Variants in CYRIB observed in about 807,000 individuals in gnomAD.
CYRIB encodes the protein CYFIP related Rac1 interactor B.
In CYRIB, 8 loss-of-function variants were observed where a neutral mutation model predicts 44.2. That is an observed-to-expected ratio of 0.18 (90% confidence interval 0.11 to 0.33). The LOEUF (loss-of-function observed/expected upper bound fraction) is 0.33, where lower values mean the gene tolerates loss of function less well. Ranked by LOEUF, CYRIB falls within the 10% of genes least tolerant of loss-of-function variation. The pLI, the probability that CYRIB is intolerant of heterozygous loss-of-function variation, is 1.00. For missense variants in CYRIB, 185 were observed against 382.8 expected, an observed-to-expected ratio of 0.48 and a Z score of 4.31; for synonymous variants, 131 against 127.2, an observed-to-expected ratio of 1.03 and a Z score of -0.20.
intron 9 of CYRIB, chr8:129,850,232 A>G (rs1304713851): frequency 6.5e-6 from 1 of 153,564 alleles, no homozygotes; most frequent in African/African-American, 2.4e-5. Flanking sequence ...ATTAAGCAGC[A>G]CATGACTGTA....
upstream of CYRIB, among the ~76,000 whole-genome samples, chr8:129,943,968 G>A (rs988524758): frequency 3.3e-5 from 5 of 150,642 alleles, no homozygotes; most frequent in Admixed American, 6.6e-5. Flanking sequence ...TAAGGGAAGG[G>A]GAAAGGGCCA....
chr8:129,885,685 G>A (rs2062469050), intron 2 of CYRIB, among the ~76,000 whole-genome samples: 1 of 151,812 alleles, frequency 6.6e-6, no homozygotes, highest in Non-Finnish European at 1.5e-5. Flanking sequence ...TCCCCTAGGA[G>A]GCAAAACTGC....
At position 129,910,477 on chromosome 8, in the gene CYRIB, C is replaced by CTTCT. The variant is rs1275002515; in HGVS notation, c.-49-7128_-49-7127insAGAA. Among the ~76,000 whole-genome samples the CTTCT allele has an allele frequency of 8.1e-3, 899 of 110,650 alleles. 16 individuals carry two copies. Among genetic ancestry groups the CTTCT allele is most frequent in the African/African-American group, 0.029 (854 of 29,452 alleles). 72.6% of individuals were successfully genotyped at this position (110,650 alleles called of 152,430 possible). On this transcript the variant is annotated intron_variant, in intron 1 of 11. Transcript: ENST00000519824. ...CCTTGACAAGTGGTGCCTTCTTTCA[C>CTTCT]TTTTTTTTTTTTTTTTTTTTTTTTT...
intron 2 of CYRIB, 161 bp downstream of exon 4, chr8:129,903,151 C>T (rs1021227924): frequency 6.6e-6 from 1 of 152,454 alleles, no homozygotes; most frequent in Admixed American, 6.5e-5. Context: ...CTATTCTAAG[C>T]CAAAAACTAA....
exon 12 of CYRIB, chr8:129,841,409 A>G (rs539054271): frequency 2.2e-4 from 33 of 152,774 alleles, no homozygotes; most frequent in African/African-American, 7.7e-4. Context: ...CATTCCATAA[A>G]AACATACATG....
At chr8:129,920,149 T>C (rs1031354183) in intron 1 of CYRIB, among the ~76,000 whole-genome samples, 2 of 151,692 alleles carry the variant, frequency 1.3e-5, no homozygotes, top group African/African-American at 2.4e-5. Context: ...TCAGAGTATA[T>C]ATTTATGTAG....
intron 1 of CYRIB, among the ~76,000 whole-genome samples, chr8:129,936,874 T>G (rs1247349373): frequency 6.6e-6 from 1 of 151,836 alleles, no homozygotes; most frequent in Non-Finnish European, 1.5e-5. Flanking sequence ...GCCCGGCTAA[T>G]TTTTTTGTAT....
intron 11 of CYRIB, chr8:129,844,188 T>C (rs1278590914): frequency 1.3e-5 from 2 of 152,080 alleles, no homozygotes; most frequent in African/African-American, 4.8e-5. Flanking sequence ...TACTGCAGAG[T>C]AGTTAAAAGT....
chr8:129,975,316 CAG>C (rs2095872056), intron 1 of CYRIB, among the ~76,000 whole-genome samples: 1 of 152,168 alleles, frequency 6.6e-6, no homozygotes. Context: ...GTGCCCGAAA[CAG>C]ATGATTTTTA....
chr8:129,975,728 A>G (rs1222236478), intron 1 of CYRIB, among the ~76,000 whole-genome samples: 1 of 152,234 alleles, frequency 6.6e-6, no homozygotes, highest in Non-Finnish European at 1.5e-5. Flanking sequence ...TGCTTATTCT[A>G]CTTGGCATAG....
At chr8:129,887,651 G>A (rs746508243) in intron 2 of CYRIB, among the ~76,000 whole-genome samples, 5 of 152,202 alleles carry the variant, frequency 3.3e-5, no homozygotes, top group South Asian at 4.1e-4. Context: ...AGAGCAAGAG[G>A]GGCAGAGCTG....
At chr8:129,901,262 G>A (rs1004320551) in intron 2 of CYRIB, among the ~76,000 whole-genome samples, 7 of 151,946 alleles carry the variant, frequency 4.6e-5, no homozygotes, top group Non-Finnish European at 7.4e-5. Flanking sequence ...TAGCTCTGTT[G>A]CCCAGGCTGG....
intron 2 of CYRIB, among the ~76,000 whole-genome samples, chr8:129,891,499 A>C (rs1473556018): frequency 6.6e-6 from 1 of 152,250 alleles, no homozygotes; most frequent in Admixed American, 6.5e-5. Context: ...CAGAGAGATT[A>C]GTACAACAGG....
rs183567711 is a variant in CYRIB at position 130,009,499 on chromosome 8, C to G, written c.-296+6871G>C. ...GCCAGGCTGGTCTTGAACTCCTGAC[C>G]TCAGGTGATCCACCCGCCTCGGCCT... On this transcript the variant is annotated intron_variant, in intron 1 of 14. Transcript: ENST00000401979. 5.3e-3 allele frequency among the ~76,000 whole-genome samples: 810 copies of G among 152,224 alleles called. 7 individuals carry two copies. The highest frequency in any genetic ancestry group is 0.013 in the African/African-American group (550 of 41,534).
intron 2 of CYRIB, among the ~76,000 whole-genome samples, chr8:129,961,579 G>A (rs759261414): frequency 9.9e-4 from 151 of 152,340 alleles, no homozygotes; most frequent in Non-Finnish European, 1.6e-3. Flanking sequence ...CCGTTTAGAA[G>A]TAATATGGAA....
rs772134588 is a variant in CYRIB at position 129,855,764 on chromosome 8, A to C, written c.302-17T>G. The C allele has an allele frequency of 6.3e-7, 1 of 1,586,890 alleles. No homozygotes were observed. The highest frequency in any genetic ancestry group is 8.6e-7 in the Non-Finnish European group (1 of 1,167,220). Reference sequence around the variant, plus strand: ...ATGCTGCTTCTAAAGAAAAAAATTGAAAAAAACATTAAGTTGTTTGTATCT... The same window carrying C: ...ATGCTGCTTCTAAAGAAAAAAATTGCAAAAAACATTAAGTTGTTTGTATCT... On this transcript the variant is annotated splice_polypyrimidine_tract_variant and intron_variant, in intron 5 of 11. Transcript: ENST00000519824.
At chr8:129,955,771 C>A (rs185063287) in intron 2 of CYRIB, among the ~76,000 whole-genome samples, 1 of 152,090 alleles carries the variant, frequency 6.6e-6, no homozygotes, top group Non-Finnish European at 1.5e-5. Flanking sequence ...ACCAACAAAC[C>A]CAAGATTAAT....
intron 1 of CYRIB, among the ~76,000 whole-genome samples, chr8:130,000,983 C>CT (rs2096894782): frequency 6.6e-6 from 1 of 152,308 alleles, no homozygotes; most frequent in African/African-American, 2.4e-5. Context: ...TGGTACCTAC[C>CT]TACCAGGTAC....
intron 1 of CYRIB, among the ~76,000 whole-genome samples, chr8:129,917,417 G>A (rs1377912746): frequency 1.3e-5 from 2 of 152,054 alleles, no homozygotes; most frequent in Non-Finnish European, 2.9e-5. Context: ...TCTCCATAAT[G>A]TTATTAGAAT....
Sources: gnomAD v4.1 joint callset for allele counts (sites outside exome capture counted in the v4.1 genomes callset) on GRCh38, gnomAD v4.1.1 for gene constraint, MANE v1.5 for transcripts, NCBI Gene and HGNC (gene_info 2026-07-23, HGNC 2026-07-21) for gene names.